Variants in UBN2 observed in about 807,000 individuals in gnomAD.
UBN2 encodes the protein ubinuclein-2.
A neutral mutation model predicts 120.2 loss-of-function variants in UBN2; 35 were observed. The observed-to-expected ratio is 0.29, with a 90% CI of 0.22 to 0.39. The LOEUF (loss-of-function observed/expected upper bound fraction) is 0.39. Among genes scored for constraint, UBN2 ranks in the 10% least tolerant of loss-of-function variants. The probability of loss-of-function intolerance (pLI) is 1.00; values close to 1 mark genes in which losing one functional copy is unlikely to be tolerated. For synonymous variants in UBN2, 661 were observed against 648.7 expected, an observed-to-expected ratio of 1.02 and a Z score of -0.29; for missense variants, 1,693 against 1,663.2, an observed-to-expected ratio of 1.02 and a Z score of -0.31.
chr7:139,325,763 G>A, the UBN2 span, among the ~76,000 whole-genome samples: 3 of 152,196 alleles, frequency 2.0e-5, no homozygotes, highest in African/African-American at 7.2e-5. Context: ...GGCCCTCGGA[G>A]TCTGTCCCCA....
chr7:139,317,702 G>C, the UBN2 span, among the ~76,000 whole-genome samples: 1 of 150,938 alleles, frequency 6.6e-6, no homozygotes, highest in Non-Finnish European at 1.5e-5. Context: ...TCACTCTGTT[G>C]TCCAGGCTGG....
chr7:139,328,236 G>A, the UBN2 span, among the ~76,000 whole-genome samples: 1 of 152,196 alleles, frequency 6.6e-6, no homozygotes, highest in Non-Finnish European at 1.5e-5. Context: ...CAATCATGAT[G>A]GAAGGTGAAG....
At chr7:139,246,899 C>T (rs1025897113) in intron 2 of UBN2, among the ~76,000 whole-genome samples, 3 of 152,074 alleles carry the variant, frequency 2.0e-5, no homozygotes, top group Non-Finnish European at 2.9e-5. Flanking sequence ...TTCTTATTGC[C>T]GAGCAGTAAT....
chr7:139,278,158 T>C (rs1015384381), intron 12 of UBN2, among the ~76,000 whole-genome samples: 1 of 151,364 alleles, frequency 6.6e-6, no homozygotes, highest in African/African-American at 2.4e-5. Context: ...ACAAAAGATG[T>C]CTCCCTCTCT....
At chr7:139,317,829 AT>A in the UBN2 span, among the ~76,000 whole-genome samples, 1 of 151,838 alleles carries the variant, frequency 6.6e-6, no homozygotes, top group African/African-American at 2.4e-5. Flanking sequence ...TGCCCAGGTA[AT>A]TTTTGCATTT....
Position 139,284,466 on chromosome 7 carries a change from T to C in UBN2, c.3561T>C (p.Ser1187=), listed in dbSNP as rs1797721063. ...NLNSSGANRT[S]LSGGTGSGTQ... The stretch of plus-strand genomic sequence containing the variant: ...ACTCAAGCGGAGCTAATAGGACTAG[T>C]CTGTCTGGGGGAACAGGAAGTGGAA... The change falls in exon 15 of 18, where the codon AGT becomes AGC. Residue 1187 remains serine (S), a synonymous_variant. Coordinates refer to ENST00000473989, the MANE Select transcript of UBN2 (RefSeq NM_173569.4). The C allele has an allele frequency of 1.2e-6, 2 of 1,614,190 alleles. No homozygotes were observed. Among genetic ancestry groups the C allele is most frequent in the Non-Finnish European group, 1.7e-6 (2 of 1,180,042 alleles).
At chr7:139,292,111 G>A (rs1797975378) in intron 15 of UBN2, among the ~76,000 whole-genome samples, 1 of 151,646 alleles carries the variant, frequency 6.6e-6, no homozygotes, top group African/African-American at 2.4e-5. Flanking sequence ...AATGTTAGCC[G>A]GGTATAGTGG....
At position 139,245,485 on chromosome 7, in the gene UBN2, G is replaced by A. The variant is rs530257035; in HGVS notation, c.562-6471G>A. On this transcript the variant is annotated intron_variant, in intron 2 of 17. Coordinates refer to ENST00000473989, the MANE Select transcript of UBN2 (RefSeq NM_173569.4). ...CATTTTACTACTTAGATTAGATTATGGACTCAGAACTATTATGGTTTCTGG... is the reference window on the plus strand; with the variant it reads ...CATTTTACTACTTAGATTAGATTATAGACTCAGAACTATTATGGTTTCTGG... Among the ~76,000 whole-genome samples the A allele has an allele frequency of 1.1e-4, 17 of 152,226 alleles. 1 individual carries two copies. The highest frequency in any genetic ancestry group is 4.1e-4 in the African/African-American group (17 of 41,544).
intron 15 of UBN2, among the ~76,000 whole-genome samples, chr7:139,285,176 C>G (rs965045145): frequency 6.6e-6 from 1 of 151,982 alleles, no homozygotes. Context: ...TTTAAACTTA[C>G]CTCTCAATTA....
rs1348755439 is a variant in UBN2 at position 139,290,460 on chromosome 7, A to ATGGGTT, written c.3670-2769_3670-2764dup. Among the ~76,000 whole-genome samples the ATGGGTT allele has an allele frequency of 7.9e-5, 12 of 152,220 alleles. No individual in the cohort carries two copies. In the South Asian group the frequency reaches 2.3e-3, roughly 29 times the overall value. ...AGCAAATTTTGGTAAAAAAGAAAGA[A>ATGGGTT]TGGGTTTGTTGACTATAATGTTATC... On this transcript the variant is annotated intron_variant, in intron 15 of 17. Coordinates refer to ENST00000473989, the MANE Select transcript of UBN2 (RefSeq NM_173569.4).
chr7:139,232,322 A>T (rs1796047959), intron 1 of UBN2, among the ~76,000 whole-genome samples: 1 of 152,240 alleles, frequency 6.6e-6, no homozygotes. Context: ...GTGGCGCTAC[A>T]GCTGTCGTTC....
chr7:139,248,937 T>C (rs1796544063), intron 2 of UBN2, among the ~76,000 whole-genome samples: 1 of 152,124 alleles, frequency 6.6e-6, no homozygotes, highest in South Asian at 2.1e-4. Context: ...AAGGACAATC[T>C]ATTATGTATT....
chr7:139,291,014 C>T (rs1437473608), intron 15 of UBN2, among the ~76,000 whole-genome samples: 2 of 152,060 alleles, frequency 1.3e-5, no homozygotes, highest in East Asian at 3.9e-4. Context: ...CTGGAAAGAG[C>T]TAACATTCAT....
At chr7:139,266,509 C>A in intron 7 of UBN2, 106 bp downstream of exon 7, 1 of 594,014 alleles carries the variant, frequency 1.7e-6, no homozygotes, top group Non-Finnish European at 3.0e-6. Context: ...ATGAGTTCTT[C>A]CCCTTAAGCC....
chr7:139,324,555 CAAAAAA>C, the UBN2 span, among the ~76,000 whole-genome samples: 4 of 68,916 alleles, frequency 5.8e-5, no homozygotes, highest in Admixed American at 1.8e-4. Flanking sequence ...GACTCCATCT[CAAAAAA>C]AAAAAAAAAA....
Position 139,246,294 on chromosome 7 carries a change from G to A in UBN2, c.562-5662G>A, listed in dbSNP as rs528525150. ...GCAGGAGAATCACTTGAACCTGGGA[G>A]GCAGAGGTTGCAGTAACCTGAGATC... On this transcript the variant is annotated intron_variant, in intron 2 of 17. Transcript: ENST00000473989. 1.2e-4 allele frequency among the ~76,000 whole-genome samples: 18 copies of A among 152,274 alleles called. 2 individuals carry two copies. The South Asian group carries it at 3.5e-3, about 30-fold the overall frequency.
At chr7:139,267,395 G>A (rs1797129148) in intron 7 of UBN2, among the ~76,000 whole-genome samples, 2 of 152,030 alleles carry the variant, frequency 1.3e-5, no homozygotes, top group Admixed American at 6.6e-5. Flanking sequence ...AATTAGCCAG[G>A]TGTGGTAGTG....
Position 139,284,583 on chromosome 7 carries a change from G to A in UBN2, c.3669+9G>A, listed in dbSNP as rs2131041911. On this transcript the variant is annotated intron_variant, in intron 15 of 17. Coordinates refer to ENST00000473989, the MANE Select transcript of UBN2 (RefSeq NM_173569.4). ...TAACAGCCAGTGTGCAGGTATGTAT[G>A]TTCTGTACGTCCATGTGATAAACTA... 1.3e-6 allele frequency: 2 copies of A among 1,592,484 alleles called. No individual in the cohort carries two copies. Among genetic ancestry groups the A allele is most frequent in the African/African-American group, 1.3e-5 (1 of 74,612 alleles).
the UBN2 span, among the ~76,000 whole-genome samples, chr7:139,319,785 C>T: frequency 6.6e-6 from 1 of 152,080 alleles, no homozygotes; most frequent in East Asian, 1.9e-4. Flanking sequence ...TAAAATTTCA[C>T]CCAACACTCA....
Sources: gnomAD v4.1 joint callset for allele counts (sites outside exome capture counted in the v4.1 genomes callset) on GRCh38, gnomAD v4.1.1 for gene constraint, MANE v1.5 for transcripts, NCBI Gene and HGNC (gene_info 2026-07-23, HGNC 2026-07-21) for gene names.